ZNF224: variants seen among roughly 807,000 people sequenced by gnomAD.
ZNF224 encodes zinc finger protein 224.
In ZNF224, 8 loss-of-function variants were observed where a neutral mutation model predicts 10.5. That is an observed-to-expected ratio of 0.76 (90% confidence interval 0.45 to 1.37). The LOEUF (loss-of-function observed/expected upper bound fraction) is 1.37. ZNF224 is among the 40% of genes most tolerant of loss of function. ZNF224 has a pLI of 0.00. For synonymous variants in ZNF224, 282 were observed against 287.8 expected (o/e 0.98, Z 0.20); for missense variants, 754 against 854.0 (o/e 0.88, Z 1.46).
At position 44,108,231 on chromosome 19, in the gene ZNF224, C is replaced by T. The variant is rs758752517; in HGVS notation, c.2071C>T (p.Gln691Ter). The T allele has an allele frequency of 1.9e-6, 3 of 1,613,632 alleles. No individual in the cohort carries two copies. Among genetic ancestry groups the T allele is most frequent in the Non-Finnish European group, 2.5e-6 (3 of 1,179,838 alleles). Residue 691 changes from glutamine to a stop codon, truncating the protein, a stop_gained, in exon 6 of 6, where the codon CAG becomes TAG. Coordinates refer to ENST00000693561, the MANE Select transcript of ZNF224 (RefSeq NM_001321645.3). LOFTEE classifies it low-confidence loss of function (END_TRUNC). Reference protein sequence around the residue: ...KCRECDMCFSQASSLRLHQNV... With the variant: ...KCRECDMCFS ...TAGGGAGTGTGATATGTGCTTTAGTCAGGCCTCAAGCCTTCGACTTCATCA... is the reference window on the plus strand; with the variant it reads ...TAGGGAGTGTGATATGTGCTTTAGTTAGGCCTCAAGCCTTCGACTTCATCA...
chr19:44,105,891 C>T (rs1599664836), intron 5 of ZNF224: 1 of 154,450 alleles, frequency 6.5e-6, no homozygotes, highest in Non-Finnish European at 1.4e-5. Context: ...GAATATATAC[C>T]ATATTTTCTT....
chr19:44,104,676 T>C (rs952073663), intron 5 of ZNF224, among the ~76,000 whole-genome samples: 5 of 152,136 alleles, frequency 3.3e-5, no homozygotes, highest in African/African-American at 1.2e-4. Context: ...TTTTTTTTTT[T>C]TTTGAGACGG....
Position 44,107,878 on chromosome 19 carries a change from G to A in ZNF224, c.1718G>A (p.Cys573Tyr), listed in dbSNP as rs746905650. Residue 573 changes from cysteine to tyrosine, a missense_variant, in exon 6 of 6, where the codon TGT becomes TAT. By Grantham distance (194) the Cys-to-Tyr change is radical (BLOSUM62 -2). Transcript: ENST00000693561. ...SGEKPFKCEE[C>Y]GKRFTQNSQL... is the part of the protein sequence containing the mutation. ...GAAAAACCATTCAAATGTGAAGAGT[G>A]TGGGAAAAGATTTACTCAGAATTCA... 5.6e-6 allele frequency: 9 copies of A among 1,601,274 alleles called. No homozygotes were observed. In the Admixed American group the frequency reaches 1.2e-4, roughly 21 times the overall value.
intron 5 of ZNF224, among the ~76,000 whole-genome samples, chr19:44,104,781 C>T (rs1470535115): frequency 6.6e-6 from 1 of 152,170 alleles, no homozygotes; most frequent in Admixed American, 6.5e-5. Flanking sequence ...CCTGCCTCAG[C>T]CTCCCGAGTA....
chr19:44,108,064 A>G lies in ZNF224; in HGVS notation c.1904A>G (p.Gln635Arg). Residue 635 changes from glutamine (Q) to arginine (R), a missense_variant, in exon 6 of 6, where the codon CAG (glutamine) becomes CGG (arginine). Coordinates refer to ENST00000693561, the MANE Select transcript of ZNF224 (RefSeq NM_001321645.3). ...GAGCAGCATGGGAAGAACATTGTACAGAATTCATTCTCTAAAGTGCAAGAA... is the reference window on the plus strand; with the variant it reads ...GAGCAGCATGGGAAGAACATTGTACGGAATTCATTCTCTAAAGTGCAAGAA... ...KCEQHGKNIVQNSFSKVQEKV... is the reference protein window; with the variant it reads ...KCEQHGKNIVRNSFSKVQEKV... 1.9e-6 allele frequency: 3 copies of G among 1,612,142 alleles called. No individual in the cohort carries two copies. The highest frequency in any genetic ancestry group is 2.5e-6 in the Non-Finnish European group (3 of 1,178,550).
chr19:44,108,776 G>A lies in ZNF224; in HGVS notation c.*492G>A. The A allele has an allele frequency of 2.0e-6, 1 of 509,210 alleles. No homozygotes were observed. The highest frequency in any genetic ancestry group is 4.0e-6 in the Non-Finnish European group (1 of 252,812). 31.5% of individuals were successfully genotyped at this position (509,210 alleles called of 1,614,324 possible). A position where few individuals can be genotyped will look rare whatever the true frequency, so the allele number is the denominator to read the frequency against. On this transcript the variant is annotated 3_prime_UTR_variant, in exon 6 of 6. Coordinates refer to ENST00000693561, the MANE Select transcript of ZNF224 (RefSeq NM_001321645.3). ...GTACTTGTTTGTTAAATCAATGAAAGGATAAAACATATGTATGGATTTGGA... is the reference window on the plus strand; with the variant it reads ...GTACTTGTTTGTTAAATCAATGAAAAGATAAAACATATGTATGGATTTGGA...
At chr19:44,105,129 G>A (rs1030612712) in intron 5 of ZNF224, among the ~76,000 whole-genome samples, 6 of 152,124 alleles carry the variant, frequency 3.9e-5, no homozygotes, top group East Asian at 1.9e-4. Flanking sequence ...ACCCCCAAAG[G>A]CGTGGCCAGC....
At chr19:44,100,005 A>G (rs1967515717) in intron 3 of ZNF224, among the ~76,000 whole-genome samples, 1 of 152,266 alleles carries the variant, frequency 6.6e-6, no homozygotes, top group Non-Finnish European at 1.5e-5. Context: ...GATTAGTTCC[A>G]TGGAACACTA....
chr19:44,096,728 TTTAA>T (rs372546021), intron 2 of ZNF224, among the ~76,000 whole-genome samples: 269 of 152,352 alleles, frequency 1.8e-3, no homozygotes, highest in African/African-American at 6.1e-3. Context: ...ATGCATTGCC[TTTAA>T]TTGTCACATT....
chr19:44,097,049 G>T, intron 2 of ZNF224: 1 of 228,906 alleles, frequency 4.4e-6, no homozygotes, highest in Non-Finnish European at 8.9e-6. Flanking sequence ...TTGTCCACTT[G>T]GCCGAGACGC....
At chr19:44,106,035 G>A (rs1286416828) in intron 5 of ZNF224, 3 of 207,704 alleles carry the variant, frequency 1.4e-5, no homozygotes, top group Non-Finnish European at 2.9e-5. Context: ...GATAGTAGTG[G>A]GATTGCTGGA....
chr19:44,106,974 G>T lies in ZNF224; in HGVS notation c.814G>T (p.Asp272Tyr). Residue 272 changes from aspartate to tyrosine, a missense_variant, in exon 6 of 6, where the codon GAT becomes TAT. Transcript: ENST00000693561. ...GGAATGCGGGAAGGCCTTCATTCAC[G>T]ATTCCCAGCTTCAAGAACATCAGAG... ...CEECGKAFIH[D>Y]SQLQEHQRIH... 6.2e-7 allele frequency: 1 copy of T among 1,610,226 alleles called. No individual in the cohort carries two copies. Among genetic ancestry groups the T allele is most frequent in the Non-Finnish European group, 8.5e-7 (1 of 1,177,908 alleles).
At position 44,094,523 on chromosome 19, in the gene ZNF224, G is replaced by C. The variant is rs1967399461; in HGVS notation, c.-165G>C. On this transcript the variant is annotated 5_prime_UTR_variant, in exon 1 of 6. Transcript: ENST00000693561. ...TTAGGGGAAAAGGGGCCTCGTCGGA[G>C]AGTAGAGGTTTGGAGGGGCAAGGGC... is the stretch of plus-strand genomic sequence containing the variant. 1 of 152,510 alleles carries C rather than the reference G, an allele frequency of 6.6e-6. No homozygotes were observed. The highest frequency in any genetic ancestry group is 1.5e-5 in the Non-Finnish European group (1 of 68,314). The allele number at this position is 152,510 out of a possible 1,614,324, so 9.4% of individuals were successfully genotyped here. A position where few individuals can be genotyped will look rare whatever the true frequency, so the allele number is the denominator to read the frequency against.
Position 44,108,361 on chromosome 19 carries a change from A to G in ZNF224, c.*77A>G. On this transcript the variant is annotated 3_prime_UTR_variant, in exon 6 of 6. Coordinates refer to ENST00000693561, the MANE Select transcript of ZNF224 (RefSeq NM_001321645.3). ...ATCTGAAAGTTCACAAAGGAGAGAC[A>G]CATTAAAATATGAGGCACATAGTAA... is the stretch of plus-strand genomic sequence containing the variant. 2 of 1,419,082 alleles carry G rather than the reference A, an allele frequency of 1.4e-6. No homozygotes were observed. Among genetic ancestry groups the G allele is most frequent in the Non-Finnish European group, 1.9e-6 (2 of 1,053,592 alleles). The allele number at this position is 1,419,082 out of a possible 1,614,324, so 87.9% of individuals were successfully genotyped here.
At chr19:44,099,645 G>C (rs1372391811) in intron 3 of ZNF224, among the ~76,000 whole-genome samples, 2 of 151,870 alleles carry the variant, frequency 1.3e-5, no homozygotes, top group Admixed American at 1.3e-4. Flanking sequence ...TTGAAACCAG[G>C]AGCTCAAGAC....
chr19:44,101,108 A>G (rs1288850392), intron 4 of ZNF224, 25 bp from the exon 5 acceptor site: 1 of 1,613,478 alleles, frequency 6.2e-7, no homozygotes, highest in Non-Finnish European at 8.5e-7. Flanking sequence ...GTTGGGATTA[A>G]GCATGTAAGT....
At position 44,109,634 on chromosome 19, in the gene ZNF224, TTGA is replaced by T. The variant is rs1236055296; in HGVS notation, c.*1356_*1358del. On this transcript the variant is annotated 3_prime_UTR_variant, in exon 6 of 6. Coordinates refer to ENST00000693561, the MANE Select transcript of ZNF224 (RefSeq NM_001321645.3). ...AAACTCCAAAAAGTAGAAGACCACA[TTGA>T]TGATGTCACTGCATTTTAAAATGGA... 6.6e-6 allele frequency: 1 copy of T among 152,142 alleles called. No individual in the cohort carries two copies. Among genetic ancestry groups the T allele is most frequent in the East Asian group, 1.9e-4 (1 of 5,184 alleles). The allele number at this position is 152,142 out of a possible 1,614,324, so 9.4% of individuals were successfully genotyped here. A position where few individuals can be genotyped will look rare whatever the true frequency, so the allele number is the denominator to read the frequency against.
At chr19:44,095,741 A>G (rs1367171320) in intron 1 of ZNF224, 3 of 152,106 alleles carry the variant, frequency 2.0e-5, no homozygotes, top group Non-Finnish European at 2.9e-5. Flanking sequence ...CAACATGGTG[A>G]AACCGCATCT....
chr19:44,097,408 A>C (rs994876231), intron 2 of ZNF224, among the ~76,000 whole-genome samples: 1 of 152,168 alleles, frequency 6.6e-6, no homozygotes, highest in Non-Finnish European at 1.5e-5. Flanking sequence ...TTATGGTTAG[A>C]CTTCATTCTC....
Sources: allele counts gnomAD v4.1 joint callset (sites outside exome capture counted in the v4.1 genomes callset), GRCh38; gene constraint gnomAD v4.1.1; transcripts MANE v1.5; gene names NCBI Gene and HGNC (gene_info 2026-07-23, HGNC 2026-07-21).